The following COQ5 variants were observed in gnomAD, a reference collection of about 807,000 sequenced individuals.
The protein encoded by COQ5 is 2-methoxy-6-polyprenyl-1,4-benzoquinol methylase, mitochondrial.
COQ5 carries 27 observed loss-of-function variants against 40.5 expected under a neutral mutation model. The observed-to-expected ratio is 0.67, with a 90% CI of 0.49 to 0.92. The LOEUF (loss-of-function observed/expected upper bound fraction) is 0.92, where lower values mean the gene tolerates loss of function less well. Ranked by LOEUF, COQ5 falls within the 40% of genes least tolerant of loss-of-function variation. The pLI is 0.00. For synonymous variants in COQ5, 141 were observed against 150.0 expected, an observed-to-expected ratio of 0.94 and a Z score of 0.44; for missense variants, 409 against 406.4, an observed-to-expected ratio of 1.01 and a Z score of -0.06.
intron 2 of COQ5, among the ~76,000 whole-genome samples, chr12:120,520,663 G>T (rs553874591): frequency 8.8e-4 from 134 of 152,044 alleles, no homozygotes; most frequent in Admixed American, 1.6e-3. Context: ...TAGAGACGGG[G>T]TTTCACCATG....
At chr12:120,514,614 G>A (rs950546024) in intron 3 of COQ5, among the ~76,000 whole-genome samples, 2 of 151,814 alleles carry the variant, frequency 1.3e-5, no homozygotes, top group African/African-American at 4.8e-5. Flanking sequence ...ATGGTGCTGC[G>A]CAGCTGTAAT....
At chr12:120,514,340 G>C (rs1211038222) in intron 3 of COQ5, among the ~76,000 whole-genome samples, 3 of 152,062 alleles carry the variant, frequency 2.0e-5, no homozygotes, top group Non-Finnish European at 4.4e-5. Context: ...AGGAGAAGGA[G>C]AGAAATGCTG....
intron 4 of COQ5, 30 bp downstream of exon 4, chr12:120,509,987 C>T: frequency 6.5e-7 from 1 of 1,528,550 alleles, no homozygotes; most frequent in African/African-American, 1.4e-5. Flanking sequence ...TCCTGAGAGT[C>T]ATACAAGCTG....
chr12:120,509,691 C>T (rs1490811339), intron 4 of COQ5, among the ~76,000 whole-genome samples: 1 of 152,016 alleles, frequency 6.6e-6, no homozygotes, highest in Non-Finnish European at 1.5e-5. Context: ...GGATGGAGGA[C>T]CCTAAACTTC....
chr12:120,525,250 C>T (rs2137094184), intron 1 of COQ5, among the ~76,000 whole-genome samples: 1 of 152,262 alleles, frequency 6.6e-6, no homozygotes, highest in Admixed American at 6.5e-5. Context: ...CAGGCACTTG[C>T]CACCATGCCT....
chr12:120,517,576 G>A (rs1317054777), intron 2 of COQ5, among the ~76,000 whole-genome samples: 2 of 149,772 alleles, frequency 1.3e-5, no homozygotes, highest in Admixed American at 6.6e-5. Flanking sequence ...CAGCTACTCA[G>A]GAGGCTGAGG....
intron 1 of COQ5, chr12:120,526,665 A>AGGT (rs201931475): frequency 0.013 from 3,363 of 260,608 alleles, 58 homozygotes; most frequent in Middle Eastern, 0.031. Flanking sequence ...TACGACAAGA[A>AGGT]GGTGGCAAAT....
At chr12:120,508,245 C>T (rs1364550178) in intron 4 of COQ5, among the ~76,000 whole-genome samples, 1 of 151,918 alleles carries the variant, frequency 6.6e-6, no homozygotes, top group Non-Finnish European at 1.5e-5. Flanking sequence ...CTGCCCACCT[C>T]GGCCTCCTAA....
chr12:120,525,878 T>C (rs1238266354), intron 1 of COQ5, among the ~76,000 whole-genome samples: 2 of 151,896 alleles, frequency 1.3e-5, no homozygotes, highest in African/African-American at 4.8e-5. Context: ...TGAGCTGAGA[T>C]CGTGCCACCG....
chr12:120,504,158 C>T (rs1176167436), intron 5 of COQ5, 77 bp from the exon 6 acceptor site: 4 of 931,128 alleles, frequency 4.3e-6, no homozygotes, highest in Non-Finnish European at 7.0e-6. Flanking sequence ...GAAAGAAGGA[C>T]TAAACCTGGG....
chr12:120,503,876 T>C lies in COQ5; in HGVS notation c.892A>G (p.Lys298Glu), dbSNP rs1045414515. 4 of 1,613,908 alleles carry C rather than the reference T, an allele frequency of 2.5e-6. No individual in the cohort carries two copies. The highest frequency in any genetic ancestry group is 1.6e-4 in the Middle Eastern group (1 of 6,062). The stretch of plus-strand genomic sequence containing the variant: ...AAGCCTGCATCTTCTATCATGTCCT[T>C]GAACTCTTCCTGAAACACAAGGAAA... ...IRRFPSQEEF[K>E]DMIEDAGFHK... is the part of the protein sequence containing the mutation. Residue 298 changes from lysine to glutamate, a missense_variant, in exon 7 of 7, where the codon AAG becomes GAG. Physicochemically the swap from Lys to Glu is moderately conservative, Grantham distance 56. Transcript: ENST00000288532.
At chr12:120,505,574 G>C in intron 4 of COQ5, among the ~76,000 whole-genome samples, 1 of 151,568 alleles carries the variant, frequency 6.6e-6, no homozygotes, top group Non-Finnish European at 1.5e-5. Context: ...GTTTGTTTTT[G>C]AGGTGGAATT....
At chr12:120,509,509 CA>C (rs2137080367) in intron 4 of COQ5, among the ~76,000 whole-genome samples, 1 of 152,256 alleles carries the variant, frequency 6.6e-6, no homozygotes, top group South Asian at 2.1e-4. Flanking sequence ...TGATTTTCTG[CA>C]AATTCACAGG....
intron 2 of COQ5, among the ~76,000 whole-genome samples, chr12:120,519,451 T>C (rs939370649): frequency 3.3e-5 from 5 of 152,110 alleles, no homozygotes; most frequent in Non-Finnish European, 5.9e-5. Flanking sequence ...TCCCAGCTAC[T>C]TGGGAGGCCA....
chr12:120,526,293 A>G (rs1007398060), intron 1 of COQ5, among the ~76,000 whole-genome samples: 2 of 152,228 alleles, frequency 1.3e-5, no homozygotes, highest in African/African-American at 4.8e-5. Context: ...TGAAAGAGGG[A>G]ATTGAGCAAC....
intron 4 of COQ5, among the ~76,000 whole-genome samples, chr12:120,505,380 T>C (rs2137077287): frequency 6.6e-6 from 1 of 152,100 alleles, no homozygotes; most frequent in South Asian, 2.1e-4. Context: ...TTTTTTTTTA[T>C]TTTTTATTTT....
At chr12:120,505,741 A>G (rs1459504081) in intron 4 of COQ5, among the ~76,000 whole-genome samples, 1 of 152,054 alleles carries the variant, frequency 6.6e-6, no homozygotes, top group African/African-American at 2.4e-5. Context: ...TTTTTAGTAG[A>G]GACGGGGTTT....
intron 1 of COQ5, chr12:120,523,455 T>C: frequency 2.8e-6 from 1 of 362,960 alleles, no homozygotes. Context: ...TCTGCACTGG[T>C]CCTCTCCACA....
Position 120,529,120 on chromosome 12 carries a change from C to A in COQ5, c.22G>T (p.Ala8Ser), listed in dbSNP as rs768491516. 1.9e-6 allele frequency: 3 copies of A among 1,613,932 alleles called. No individual in the cohort carries two copies. The highest frequency in any genetic ancestry group is 1.7e-4 in the Middle Eastern group (1 of 6,044). Residue 8 changes from alanine to serine, a missense_variant, in exon 1 of 7, where the codon GCT becomes TCT. Transcript: ENST00000288532. Reference protein sequence around the residue: MAAPGSCALWSYCGRGWS... With the variant: MAAPGSCSLWSYCGRGWS... ...CCACGGCCGCAATAGCTCCATAGAG[C>A]ACAGCTCCCGGGGGCCGCCATCTTG...
Sources: allele counts gnomAD v4.1 joint callset (sites outside exome capture counted in the v4.1 genomes callset), GRCh38; gene constraint gnomAD v4.1.1; transcripts MANE v1.5; gene names NCBI Gene and HGNC (gene_info 2026-07-23, HGNC 2026-07-21).